DHX16: variants seen among roughly 807,000 people sequenced by gnomAD.
The protein encoded by DHX16 is DEAH-box helicase 16, also known as pre-mRNA-splicing factor ATP-dependent RNA helicase DHX16.
Under a neutral mutation model 131.2 loss-of-function variants are expected in DHX16, and 81 were observed. That is an observed-to-expected ratio of 0.62 (90% CI 0.52 to 0.74). DHX16 has a LOEUF of 0.74. DHX16 is among the 30% of genes least tolerant of loss of function. The pLI, the probability that DHX16 is intolerant of heterozygous loss-of-function variation, is 0.00. For missense variants in DHX16, 980 were observed against 1,363.1 expected, an observed-to-expected ratio of 0.72 and a Z score of 4.43; for synonymous variants, 440 against 520.2, an observed-to-expected ratio of 0.85 and a Z score of 2.10.
chr6:30,665,532 CCTGCTCCCCAG>C lies in DHX16; in HGVS notation c.857_867del (p.Ala286GlyfsTer75). On this transcript the variant is annotated frameshift_variant, in exon 5 of 20. Coordinates refer to ENST00000376442, the MANE Select transcript of DHX16 (RefSeq NM_003587.5). LOFTEE classifies it high-confidence loss of function. The surrounding 1 kb of genome is among the most constrained non-coding windows in gnomAD (Gnocchi z 4.8). ...TAGCGATTGGTGGCCTCCAGCTTCT[CCTGCTCCCCAG>C]CTGCCCGGTACTCCCGGGCGAGATC... 1 of 1,613,094 alleles carries C rather than the reference CCTGCTCCCCAG, an allele frequency of 6.2e-7. No homozygotes were observed. The highest frequency in any genetic ancestry group is 8.5e-7 in the Non-Finnish European group (1 of 1,180,042).
At position 30,670,796 on chromosome 6, in the gene DHX16, G is replaced by A; in HGVS notation, c.603C>T (p.Asp201=). 1 of 1,612,910 alleles carries A rather than the reference G, an allele frequency of 6.2e-7. No individual in the cohort carries two copies. The highest frequency in any genetic ancestry group is 1.1e-5 in the South Asian group (1 of 91,078). The change falls in exon 3 of 20, where the codon GAC becomes GAT. Residue 201 remains aspartate (D), a synonymous_variant. Transcript: ENST00000376442. The surrounding 1 kb of genome is among the most constrained non-coding windows in gnomAD (Gnocchi z 4.4). ...DRTRNVLERS[D]KKAYEEAQKR... is the part of the protein sequence containing the mutation. The stretch of plus-strand genomic sequence containing the variant: ...ACATGCTGCTCCTATTCACCTTCTT[G>A]TCTGACCGTTCCAGGACATTTCGAG...
In DHX16 at chr6:30,671,056, C is replaced by A. The variant is rs759847615; in HGVS notation, c.426G>T (p.Glu142Asp). The change falls in exon 2 of 20, where the codon GAG becomes GAT. Residue 142 changes from glutamate (E) to aspartate (D), a missense_variant. Glu to Asp is a conservative substitution (Grantham distance 45, BLOSUM62 2). Around this residue, in one of 3 missense-constraint regions of DHX16, gnomAD observed 457 missense variants for 554.8 expected, o/e 0.82. Coordinates refer to ENST00000376442, the MANE Select transcript of DHX16 (RefSeq NM_003587.5). ...REEEEEEEAS[E>D]KGKKKTGGSK... ...CTTACCCTGTTTTCTTCTTCCCTTTCTCAGAAGCCTCTTCCTCCTCTTCTT... is the reference window on the plus strand; with the variant it reads ...CTTACCCTGTTTTCTTCTTCCCTTTATCAGAAGCCTCTTCCTCCTCTTCTT... The A allele has an allele frequency of 6.2e-7, 1 of 1,613,106 alleles. No individual in the cohort carries two copies. Among genetic ancestry groups the A allele is most frequent in the Non-Finnish European group, 8.5e-7 (1 of 1,180,028 alleles).
intron 16 of DHX16, among the ~76,000 whole-genome samples, chr6:30,655,865 AGT>A (rs934530429): frequency 6.6e-6 from 1 of 152,206 alleles, no homozygotes; most frequent in Non-Finnish European, 1.5e-5. Context: ...TTCTGCAGAA[AGT>A]GTGCATTCAC....
chr6:30,655,518 T>C lies in DHX16; in HGVS notation c.2578A>G (p.Lys860Glu). Reference sequence around the variant, plus strand: ...CGGGCATTGTCAGCATGGACGACCTTGTCCTTTGGTCGGTAGAAGATGGAG... The same window carrying C: ...CGGGCATTGTCAGCATGGACGACCTCGTCCTTTGGTCGGTAGAAGATGGAG... The part of the protein sequence containing the change: ...NNSIFYRPKD[K>E]VVHADNARVN... The change falls in exon 17 of 20, where the codon AAG becomes GAG. Residue 860 changes from lysine to glutamate, a missense_variant. This residue lies in a region of DHX16 where 214 missense variants were observed against 271.2 expected (regional missense o/e 0.79). Transcript: ENST00000376442. 6.2e-7 allele frequency: 1 copy of C among 1,613,132 alleles called. No individual in the cohort carries two copies. The highest frequency in any genetic ancestry group is 8.5e-7 in the Non-Finnish European group (1 of 1,180,036).
At chr6:30,655,669 A>C in intron 16 of DHX16, 72 bp from the exon 17 acceptor site, 1 of 1,546,028 alleles carries the variant, frequency 6.5e-7, no homozygotes. Flanking sequence ...GTGGGGAGTG[A>C]TCACTGTGTG....
rs1303979488 is a variant in DHX16 at position 30,672,732 on chromosome 6, C to G, written c.110G>C (p.Cys37Ser). The change falls in exon 1 of 20, where the codon TGC (cysteine) becomes TCC (serine). Residue 37 changes from cysteine to serine, a missense_variant. Transcript: ENST00000376442. ...AQFLIGTAQR[C>S]TSAEEFVQRL... ...CTGCACGAACTCCTCGGCAGAGGTG[C>G]AGCGCTGTGCGGTACCGATCAGAAA... 1 of 1,613,048 alleles carries G rather than the reference C, an allele frequency of 6.2e-7. No homozygotes were observed. The highest frequency in any genetic ancestry group is 1.1e-5 in the South Asian group (1 of 91,082).
rs754833325 is a variant in DHX16 at position 30,653,370 on chromosome 6, C to T, written c.2998G>A (p.Val1000Ile). The T allele has an allele frequency of 1.1e-5, 17 of 1,598,586 alleles. No homozygotes were observed. The highest frequency in any genetic ancestry group is 1.3e-5 in the Non-Finnish European group (15 of 1,176,170). The part of the protein sequence containing the change: ...VLTTKEFMRQ[V>I]LEIESSWLLE... ...AGCCAACTGCTCTCAATCTCCAGTA[C>T]CTAGGAGAGAGAAAAGATCAATGGA... The change falls in exon 20 of 20, where the codon GTA (valine) becomes ATA (isoleucine). Residue 1000 changes from valine (V) to isoleucine (I), a missense_variant and splice_region_variant. This residue lies in a region of DHX16 where 214 missense variants were observed against 271.2 expected (regional missense o/e 0.79). Coordinates refer to ENST00000376442, the MANE Select transcript of DHX16 (RefSeq NM_003587.5).
chr6:30,657,736 A>G (rs779768859), intron 12 of DHX16, among the ~76,000 whole-genome samples: 14 of 152,072 alleles, frequency 9.2e-5, no homozygotes, highest in Non-Finnish European at 1.9e-4. Context: ...CTTCTCCCAG[A>G]TATCAGCCTG....
Position 30,653,185 on chromosome 6 carries a change from T to C in DHX16, c.*57A>G. 1 of 1,565,908 alleles carries C rather than the reference T, an allele frequency of 6.4e-7. No individual in the cohort carries two copies. The highest frequency in any genetic ancestry group is 8.6e-7 in the Non-Finnish European group (1 of 1,160,294). On this transcript the variant is annotated 3_prime_UTR_variant, in exon 20 of 20. Transcript: ENST00000376442. ...CAAAAATAATTTTATTTAATAGGTA[T>C]TAAATAATGTATAGAAGGAAAAGGA...
intron 12 of DHX16, 135 bp downstream of exon 12, chr6:30,659,337 G>A (rs1022336886): frequency 1.0e-6 from 1 of 965,128 alleles, no homozygotes; most frequent in Non-Finnish European, 1.5e-6. Flanking sequence ...TTCAGTCCCA[G>A]GAACAAGGGA....
rs530071436 is a variant in DHX16, at chr6:30,659,430, T to C, written c.2007+42A>G. The C allele has an allele frequency of 8.4e-6, 13 of 1,554,254 alleles. No homozygotes were observed. The South Asian group carries it at 1.5e-4, about 18-fold the overall frequency. On this transcript the variant is annotated intron_variant, in intron 12 of 19. Coordinates refer to ENST00000376442, the MANE Select transcript of DHX16 (RefSeq NM_003587.5). ...CACACAGCTTTTTCACTACTAGTTG[T>C]GGGAAGCATAGGGGTGAAGAGTGTG...
chr6:30,667,568 C>T (rs1005668878), intron 4 of DHX16, among the ~76,000 whole-genome samples: 9 of 140,094 alleles, frequency 6.4e-5, no homozygotes, highest in Non-Finnish European at 9.0e-5. Flanking sequence ...GGCGACAGAG[C>T]GAGACTCTGT....
rs1413882055 is a variant in DHX16, at chr6:30,655,261, C to A, written c.2737G>T (p.Asp913Tyr). Residue 913 changes from aspartate (D) to tyrosine (Y), a missense_variant, in exon 18 of 20, where the codon GAT becomes TAT. Transcript: ENST00000376442. ...AGCCCTTCCAGCTGTTCCCGCACAT[C>A]CCGGGCTCGGCGCATCGATCTGAAC... The part of the protein sequence containing the change: ...VQFRSMRRAR[D>Y]VREQLEGLLE... 6.2e-7 allele frequency: 1 copy of A among 1,614,208 alleles called. No individual in the cohort carries two copies. Among genetic ancestry groups the A allele is most frequent in the African/African-American group, 1.3e-5 (1 of 75,042 alleles).
chr6:30,663,199 G>C (rs1054546466), intron 7 of DHX16, among the ~76,000 whole-genome samples, 178 bp from the exon 8 acceptor site: 2 of 152,158 alleles, frequency 1.3e-5, no homozygotes, highest in African/African-American at 4.8e-5. Flanking sequence ...GGCCCTCAAA[G>C]GGGGTCCTCA....
intron 1 of DHX16, 91 bp from the exon 2 acceptor site, chr6:30,671,365 G>C: frequency 7.9e-7 from 1 of 1,260,414 alleles, no homozygotes; most frequent in South Asian, 1.4e-5. Flanking sequence ...CAATTACTTA[G>C]TCTTTCCTGC....
At position 30,665,003 on chromosome 6, in the gene DHX16, A is replaced by G; in HGVS notation, c.1126-11T>C. 1 of 1,613,240 alleles carries G rather than the reference A, an allele frequency of 6.2e-7. No homozygotes were observed. The highest frequency in any genetic ancestry group is 8.5e-7 in the Non-Finnish European group (1 of 1,179,782). On this transcript the variant is annotated splice_polypyrimidine_tract_variant and intron_variant, in intron 6 of 19. Transcript: ENST00000376442. This position sits in a 1 kb window ranked among gnomAD's most constrained non-coding sequence, Gnocchi z 4.8. ...TGGAGCTGACGGCTCCTAAGGAAAG[A>G]GAAGGAGGTGTGAGCTAAATAGCTC...
rs372472529 is a variant in DHX16 at position 30,656,618 on chromosome 6, C to A, written c.2290G>T (p.Val764Leu). The A allele has an allele frequency of 1.9e-6, 3 of 1,614,072 alleles. No homozygotes were observed. In the African/African-American group the frequency reaches 4.0e-5, roughly 22 times the overall value. ...EIQRTSLGNV[V>L]LLLKSLGIHD... ...TCACCTAAGCTCTTGAGCAGCAACA[C>A]GACATTGCCCAAGCTGGTCCTCTGG... The change falls in exon 14 of 20, where the codon GTG becomes TTG. Residue 764 changes from valine to leucine, a missense_variant. By Grantham distance (32) the Val-to-Leu change is conservative. Coordinates refer to ENST00000376442, the MANE Select transcript of DHX16 (RefSeq NM_003587.5). This position sits in a 1 kb window ranked among gnomAD's most constrained non-coding sequence, Gnocchi z 5.1.
chr6:30,657,164 G>C (rs1489388025), intron 12 of DHX16, 72 bp from the exon 13 acceptor site: 3 of 1,503,904 alleles, frequency 2.0e-6, no homozygotes, highest in Admixed American at 4.1e-5. Flanking sequence ...ATCTTGGAAA[G>C]TTAGGAGTAG....
chr6:30,659,437 C>A, intron 12 of DHX16, 35 bp downstream of exon 12: 2 of 1,560,594 alleles, frequency 1.3e-6, no homozygotes, highest in South Asian at 2.4e-5. Flanking sequence ...TTGTGGGAAG[C>A]ATAGGGGTGA....
Sources: gnomAD v4.1 joint callset for allele counts (sites outside exome capture counted in the v4.1 genomes callset) on GRCh38, gnomAD v4.1.1 for gene constraint, gnomAD v4.1.1 regional missense constraint, Gnocchi (gnomAD v3.1) non-coding constraint, MANE v1.5 for transcripts, NCBI Gene and HGNC (gene_info 2026-07-23, HGNC 2026-07-21) for gene names.